Variants in CEP170B observed in about 807,000 individuals in gnomAD.
The protein encoded by CEP170B is centrosomal protein 170B.
Under a neutral mutation model 120.6 loss-of-function variants are expected in CEP170B, and 55 were observed. The observed-to-expected ratio is 0.46, with a 90% CI of 0.37 to 0.57. The LOEUF is 0.57. CEP170B is among the 20% of genes least tolerant of loss of function. The pLI is 0.00. For missense variants in CEP170B, 2,212 were observed against 2,253.3 expected, an observed-to-expected ratio of 0.98 and a Z score of 0.37; for synonymous variants, 1,033 against 954.5, an observed-to-expected ratio of 1.08 and a Z score of -1.52.
rs1430634132 is a variant in CEP170B, at chr14:104,879,246, G to A, written c.333+745G>A. On this transcript the variant is annotated intron_variant, in intron 5 of 18. Coordinates refer to ENST00000414716, the MANE Select transcript of CEP170B (RefSeq NM_001112726.3). ...GAGATATTTAGGGTTCCTTAGGCTC[G>A]GGGGATTTGAGGATCTACGTGTTAG... Among the ~76,000 whole-genome samples, 4 of 152,086 alleles carry A rather than the reference G, an allele frequency of 2.6e-5. No individual in the cohort carries two copies. The South Asian group carries it at 6.2e-4, about 24-fold the overall frequency.
At chr14:104,864,994 G>T (rs1220340603), upstream of CEP170B, among the ~76,000 whole-genome samples, 15 of 150,954 alleles carry the variant, frequency 9.9e-5, no homozygotes, top group Non-Finnish European at 1.3e-4. The surrounding 1 kb of genome is among the most constrained non-coding windows in gnomAD (Gnocchi z 5.9). Context: ...AGGGCATGGG[G>T]TCTGCGCCGG....
rs1281854298 is a variant in CEP170B, at chr14:104,867,754, C to T, written c.-27-670C>T. 6.6e-6 allele frequency among the ~76,000 whole-genome samples: 1 copy of T among 152,132 alleles called. No homozygotes were observed. Among genetic ancestry groups the T allele is most frequent in the African/African-American group, 2.4e-5 (1 of 41,414 alleles). ...GTTGATGTCACTGGGACTATGGGCA[C>T]CAAAGCCTCACTTCCCTCTTGGGCA... is the stretch of plus-strand genomic sequence containing the variant. On this transcript the variant is annotated intron_variant, in intron 1 of 18. Transcript: ENST00000414716. The surrounding 1 kb of genome is among the most constrained non-coding windows in gnomAD (Gnocchi z 5.4).
upstream of CEP170B, among the ~76,000 whole-genome samples, chr14:104,864,967 G>T (rs1289308837): frequency 1.3e-5 from 2 of 149,752 alleles, no homozygotes; most frequent in Non-Finnish European, 2.9e-5. The surrounding 1 kb of genome is among the most constrained non-coding windows in gnomAD (Gnocchi z 5.9). Context: ...CGAAGCGGGG[G>T]GCGCTGCCGA....
Position 104,893,102 on chromosome 14 carries a change from C to T in CEP170B, c.4005C>T (p.Ser1335=), listed in dbSNP as rs1300398143. 6.2e-7 allele frequency: 1 copy of T among 1,608,152 alleles called. No individual in the cohort carries two copies. The highest frequency in any genetic ancestry group is 8.5e-7 in the Non-Finnish European group (1 of 1,178,554). ...GCGCCTCCCTCAGCAACATGCCCAG[C>T]ACCCCCGCCTCGACCATCTCTGCCC... ...AHSASLSNMP[S]TPASTISARE... Residue 1335 remains serine (S), a synonymous_variant, in exon 14 of 19, where the codon AGC becomes AGT. Transcript: ENST00000414716.
intron 2 of CEP170B, among the ~76,000 whole-genome samples, chr14:104,875,017 T>C (rs769756967): frequency 1.2e-4 from 18 of 152,130 alleles, no homozygotes; most frequent in Non-Finnish European, 2.5e-4. Context: ...GCCCTGAGGG[T>C]TTCTAGCCCT....
At position 104,876,325 on chromosome 14, in the gene CEP170B, G is replaced by A; in HGVS notation, c.175G>A (p.Asp59Asn). 2 of 1,550,838 alleles carry A rather than the reference G, an allele frequency of 1.3e-6. No homozygotes were observed. The highest frequency in any genetic ancestry group is 1.7e-6 in the Non-Finnish European group (2 of 1,146,808). ...GGACAGGGACGAGCACTGGGTGAAG[G>A]ACCTGGGCAGCCTCAATGGGGTAAG... Reference protein sequence around the residue: ...DQDRDEHWVKDLGSLNGTFVN... With the variant: ...DQDRDEHWVKNLGSLNGTFVN... Residue 59 changes from aspartate to asparagine, a missense_variant, in exon 3 of 19, where the codon GAC becomes AAC. By Grantham distance (23) the Asp-to-Asn change is conservative. Around this residue, in one of 2 missense-constraint regions of CEP170B, gnomAD observed 2,166 missense variants for 2,166.7 expected, o/e 1.00. Coordinates refer to ENST00000414716, the MANE Select transcript of CEP170B (RefSeq NM_001112726.3).
intron 9 of CEP170B, 32 bp from the exon 10 acceptor site, chr14:104,885,337 C>A: frequency 6.6e-7 from 1 of 1,522,810 alleles, no homozygotes; most frequent in South Asian, 1.3e-5. Context: ...CTTCTCTGAC[C>A]CTCGGTGCCT....
At chr14:104,889,385 GGGGCACCAGCCTC>G in intron 12 of CEP170B, 1 of 996,120 alleles carries the variant, frequency 1.0e-6, no homozygotes, top group Non-Finnish European at 1.4e-6. Context: ...CTACTGGGTG[GGGGCACCAGCCTC>G]GACGCTGCCC....
Position 104,887,767 on chromosome 14 carries a change from G to C in CEP170B, c.3528G>C (p.Arg1176=). The change falls in exon 12 of 19, where the codon CGG becomes CGC. Residue 1176 remains arginine (R), a synonymous_variant. Coordinates refer to ENST00000414716, the MANE Select transcript of CEP170B (RefSeq NM_001112726.3). ...RLDILAMPRK[R]AGSFTGTSDP... is the part of the protein sequence containing the mutation. ...ACATCCTGGCCATGCCCCGGAAGCG[G>C]GCCGGCTCCTTCACAGGGACTAGTG... The C allele has an allele frequency of 6.3e-7, 1 of 1,580,520 alleles. No homozygotes were observed. Among genetic ancestry groups the C allele is most frequent in the Admixed American group, 1.8e-5 (1 of 56,646 alleles).
chr14:104,891,532 A>G lies in CEP170B; in HGVS notation c.3879-1444A>G, dbSNP rs1052388449. On this transcript the variant is annotated intron_variant, in intron 13 of 18. Coordinates refer to ENST00000414716, the MANE Select transcript of CEP170B (RefSeq NM_001112726.3). This position sits in a 1 kb window ranked among gnomAD's most constrained non-coding sequence, Gnocchi z 4.3. ...GGGAGGACCTGGGGGGCTTGGAAGG[A>G]TGGGGACTGGGGACAGGGCTCTTGG... is the stretch of plus-strand genomic sequence containing the variant. Among the ~76,000 whole-genome samples, 1 of 151,770 alleles carries G rather than the reference A, an allele frequency of 6.6e-6. No homozygotes were observed. The highest frequency in any genetic ancestry group is 2.4e-5 in the African/African-American group (1 of 41,272).
Position 104,887,834 on chromosome 14 carries a change from A to G in CEP170B, c.3595A>G (p.Ser1199Gly), listed in dbSNP as rs1371302521. ...TGCCCGCACCAGCTTCTCTGGCCGC[A>G]GTGTGGAGTTGTGCTGTGCCAGCCG... is the stretch of plus-strand genomic sequence containing the variant. Reference protein sequence around the residue: ...APARTSFSGRSVELCCASRKP... With the variant: ...APARTSFSGRGVELCCASRKP... The change falls in exon 12 of 19, where the codon AGT becomes GGT. Residue 1199 changes from serine (S) to glycine (G), a missense_variant. By Grantham distance (56) the Ser-to-Gly change is moderately conservative. Transcript: ENST00000414716. 4.4e-6 allele frequency: 7 copies of G among 1,585,014 alleles called. No homozygotes were observed. The African/African-American group carries it at 5.4e-5, about 12-fold the overall frequency.
In CEP170B at chr14:104,867,180, T is replaced by C. The variant is rs886200189; in HGVS notation, c.-27-1244T>C. On this transcript the variant is annotated intron_variant, in intron 1 of 18. Coordinates refer to ENST00000414716, the MANE Select transcript of CEP170B (RefSeq NM_001112726.3). This position sits in a 1 kb window ranked among gnomAD's most constrained non-coding sequence, Gnocchi z 5.4. ...TAGGGACTTCATCCCCTTCCAGGACTAGCCACAGGACTCCCAGGGGTATGT... is the reference window on the plus strand; with the variant it reads ...TAGGGACTTCATCCCCTTCCAGGACCAGCCACAGGACTCCCAGGGGTATGT... Among the ~76,000 whole-genome samples, 6 of 152,168 alleles carry C rather than the reference T, an allele frequency of 3.9e-5. No individual in the cohort carries two copies. Among genetic ancestry groups the C allele is most frequent in the African/African-American group, 1.4e-4 (6 of 41,442 alleles).
Position 104,872,459 on chromosome 14 carries a change from TGTGG to T in CEP170B, c.106-3793_106-3790del, listed in dbSNP as rs1414295283. Among the ~76,000 whole-genome samples, 32 of 101,610 alleles carry T rather than the reference TGTGG, an allele frequency of 3.1e-4. 5 individuals carry two copies. Among genetic ancestry groups the T allele is most frequent in the African/African-American group, 1.7e-3 (29 of 17,048 alleles). The allele number at this position is 101,610 out of a possible 152,430, so 66.7% of individuals were successfully genotyped here. The stretch of plus-strand genomic sequence containing the variant: ...TGCGTGTGTGTGCCATGTGTGTGCG[TGTGG>T]GTGTGCCGTGTGTGTGCGTGTGTGC... On this transcript the variant is annotated intron_variant, in intron 2 of 18. Coordinates refer to ENST00000414716, the MANE Select transcript of CEP170B (RefSeq NM_001112726.3).
chr14:104,883,159 G>T lies in CEP170B; in HGVS notation c.702G>T (p.Pro234=), dbSNP rs747324087. The change falls in exon 8 of 19, where the codon CCG becomes CCT. Residue 234 remains proline (P), a synonymous_variant. Coordinates refer to ENST00000414716, the MANE Select transcript of CEP170B (RefSeq NM_001112726.3). ...TCGAGATCCCCACGAAGGAGACCCCGCAGCCGTCGCAGCCCCCCGAGGTGC... is the reference window on the plus strand; with the variant it reads ...TCGAGATCCCCACGAAGGAGACCCCTCAGCCGTCGCAGCCCCCCGAGGTGC... ...SYFEIPTKET[P]QPSQPPEVPA... is the part of the protein sequence containing the mutation. 1 of 1,608,422 alleles carries T rather than the reference G, an allele frequency of 6.2e-7. No individual in the cohort carries two copies.
intron 13 of CEP170B, among the ~76,000 whole-genome samples, chr14:104,890,690 G>A (rs1896797502): frequency 1.7e-5 from 1 of 59,800 alleles, no homozygotes; most frequent in African/African-American, 4.8e-5. Flanking sequence ...GGATGGGTGA[G>A]TGGGTGGGTG....
chr14:104,878,425 G>C lies in CEP170B; in HGVS notation c.275-18G>C, dbSNP rs368570320. ...CTCCTGGCTCTTCTGCTCTGTGTTC[G>C]CCTTAACACGTGTCCACATTCCAAC... On this transcript the variant is annotated intron_variant, in intron 4 of 18. Coordinates refer to ENST00000414716, the MANE Select transcript of CEP170B (RefSeq NM_001112726.3). The C allele has an allele frequency of 4.8e-5, 78 of 1,612,014 alleles. No homozygotes were observed. In the East Asian group the frequency reaches 9.8e-4, roughly 20 times the overall value.
At chr14:104,877,769 C>G in intron 3 of CEP170B, 116 bp from the exon 4 acceptor site, 1 of 678,866 alleles carries the variant, frequency 1.5e-6, no homozygotes, top group South Asian at 1.7e-5. Flanking sequence ...AGAGTTGGTG[C>G]CCCCGCGGCC....
Position 104,878,513 on chromosome 14 carries a change from C to T in CEP170B, c.333+12C>T. On this transcript the variant is annotated intron_variant, in intron 5 of 18. Transcript: ENST00000414716. The stretch of plus-strand genomic sequence containing the variant: ...AGGAGGCACTCAAGGTTAGTGCTGG[C>T]CAAGCCCGGGTGGCTCAGCCACGAG... 1 of 1,609,602 alleles carries T rather than the reference C, an allele frequency of 6.2e-7. No homozygotes were observed. Among genetic ancestry groups the T allele is most frequent in the Non-Finnish European group, 8.5e-7 (1 of 1,179,278 alleles).
At chr14:104,869,590 C>T (rs1396112677) in intron 2 of CEP170B, among the ~76,000 whole-genome samples, 1 of 152,246 alleles carries the variant, frequency 6.6e-6, no homozygotes, top group Non-Finnish European at 1.5e-5. Context: ...CCCTGCAATT[C>T]GGAGGTTGAA....
Sources: allele counts gnomAD v4.1 joint callset (sites outside exome capture counted in the v4.1 genomes callset), GRCh38; gene constraint gnomAD v4.1.1; regional missense constraint gnomAD v4.1.1; non-coding constraint Gnocchi (gnomAD v3.1); transcripts MANE v1.5; gene names NCBI Gene and HGNC (gene_info 2026-07-23, HGNC 2026-07-21).